Variants in SPAG6 observed in about 807,000 individuals in gnomAD.
The protein encoded by SPAG6 is sperm-associated antigen 6.
SPAG6 carries 49 observed loss-of-function variants against 58.5 expected under a neutral mutation model. That is an observed-to-expected ratio of 0.84 (90% CI 0.67 to 1.06). The LOEUF (loss-of-function observed/expected upper bound fraction) is 1.06, where lower values mean the gene tolerates loss of function less well. Ranked by LOEUF, SPAG6 falls within the 50% of genes least tolerant of loss-of-function variation. SPAG6 has a pLI of 0.00. For synonymous variants in SPAG6, 233 were observed against 225.6 expected (o/e 1.03, Z -0.29); for missense variants, 560 against 611.3 (o/e 0.92, Z 0.89).
intron 4 of SPAG6, among the ~76,000 whole-genome samples, chr10:22,383,175 A>G (rs372286680): frequency 3.4e-4 from 52 of 152,318 alleles, no homozygotes; most frequent in African/African-American, 1.2e-3. Flanking sequence ...TGAGCATCTA[A>G]GTTGGTACAT....
intron 2 of SPAG6, among the ~76,000 whole-genome samples, chr10:22,349,136 G>A (rs935096130): frequency 3.9e-5 from 6 of 151,926 alleles, no homozygotes; most frequent in African/African-American, 1.2e-4. Context: ...GGCCTGAGCC[G>A]CCACGCCTGG....
chr10:22,377,267 G>A (rs1833838142), intron 4 of SPAG6, among the ~76,000 whole-genome samples: 1 of 152,142 alleles, frequency 6.6e-6, no homozygotes, highest in South Asian at 2.1e-4. Flanking sequence ...CCTCCCCAAG[G>A]TGGGCCTTCA....
chr10:22,373,151 G>T (rs1031904725), intron 4 of SPAG6, among the ~76,000 whole-genome samples: 4 of 152,086 alleles, frequency 2.6e-5, no homozygotes, highest in African/African-American at 7.2e-5. Context: ...GTCCAGCTCT[G>T]TGGCAGTTGG....
intron 3 of SPAG6, among the ~76,000 whole-genome samples, chr10:22,367,001 T>G (rs1837218701): frequency 1.3e-5 from 2 of 151,004 alleles, no homozygotes; most frequent in Non-Finnish European, 3.0e-5. Flanking sequence ...GTCCTGTGGT[T>G]TTGCTGGGTT....
chr10:22,413,442 AG>A (rs1834792608), intron 10 of SPAG6, among the ~76,000 whole-genome samples: 1 of 152,028 alleles, frequency 6.6e-6, no homozygotes, highest in African/African-American at 2.4e-5. Context: ...CTGAGGCAGG[AG>A]AATGGCGTGA....
intron 8 of SPAG6, among the ~76,000 whole-genome samples, chr10:22,394,061 G>C (rs949288248): frequency 1.2e-4 from 19 of 152,104 alleles, no homozygotes; most frequent in African/African-American, 3.6e-4. Context: ...TATCTATTGA[G>C]ACCCTTTGCT....
intron 8 of SPAG6, among the ~76,000 whole-genome samples, chr10:22,393,266 C>G (rs1392038153): frequency 6.6e-6 from 1 of 152,102 alleles, no homozygotes; most frequent in Non-Finnish European, 1.5e-5. Flanking sequence ...CTCTTCCACC[C>G]TCTCCTGCCA....
At chr10:22,389,021 A>G (rs993935753) in intron 6 of SPAG6, 139 bp from the exon 7 acceptor site, 4 of 645,824 alleles carry the variant, frequency 6.2e-6, no homozygotes, top group Middle Eastern at 9.2e-4. Context: ...TATTTCTTTA[A>G]TAAATATAAT....
At chr10:22,393,966 T>A (rs921432650) in intron 8 of SPAG6, among the ~76,000 whole-genome samples, 3 of 152,196 alleles carry the variant, frequency 2.0e-5, no homozygotes, top group African/African-American at 7.2e-5. Flanking sequence ...CATGTCAGCT[T>A]CTGTAAGCAT....
chr10:22,402,311 A>G (rs1360071655), intron 9 of SPAG6, among the ~76,000 whole-genome samples: 5 of 152,208 alleles, frequency 3.3e-5, no homozygotes. Context: ...GGTGTGGCAA[A>G]TTCATTTGAA....
intron 10 of SPAG6, among the ~76,000 whole-genome samples, chr10:22,414,457 A>G (rs1166977096): frequency 6.6e-6 from 1 of 152,180 alleles, no homozygotes; most frequent in Non-Finnish European, 1.5e-5. Context: ...ACTACTTACT[A>G]TAACTAACTA....
In SPAG6 at chr10:22,386,877, C is replaced by T. The variant is rs1207919098; in HGVS notation, c.596C>T (p.Pro199Leu). ...CTCAGTGATATTGCAAAGCATTCTC[C>T]AGAGTTAGCACAGACAGTAGTGGAT... Reference protein sequence around the residue: ...SALSDIAKHSPELAQTVVDAG... With the variant: ...SALSDIAKHSLELAQTVVDAG... Residue 199 changes from proline (P) to leucine (L), a missense_variant, in exon 5 of 11, where the codon CCA becomes CTA. By Grantham distance (98) the Pro-to-Leu change is moderately conservative. Transcript: ENST00000376624. 5 of 1,613,716 alleles carry T rather than the reference C, an allele frequency of 3.1e-6. No homozygotes were observed. Among genetic ancestry groups the T allele is most frequent in the African/African-American group, 1.3e-5 (1 of 74,882 alleles).
chr10:22,407,855 C>G (rs1168127998), intron 9 of SPAG6, among the ~76,000 whole-genome samples: 1 of 151,788 alleles, frequency 6.6e-6, no homozygotes, highest in Non-Finnish European at 1.5e-5. Context: ...TCTTTTTTCT[C>G]TAACCTTCCT....
At chr10:22,373,544 C>T (rs1324779228) in intron 4 of SPAG6, among the ~76,000 whole-genome samples, 1 of 152,058 alleles carries the variant, frequency 6.6e-6, no homozygotes, top group Non-Finnish European at 1.5e-5. Flanking sequence ...ATATTAATGA[C>T]AAATATCAGA....
At chr10:22,389,464 G>A in intron 7 of SPAG6, 152 bp downstream of exon 7, 1 of 683,132 alleles carries the variant, frequency 1.5e-6, no homozygotes, top group East Asian at 2.8e-5. Context: ...TTATTAGCAA[G>A]TTTTATTAGC....
chr10:22,381,390 G>A (rs78491369), intron 4 of SPAG6, among the ~76,000 whole-genome samples: 1 of 148,972 alleles, frequency 6.7e-6, no homozygotes, highest in Admixed American at 6.7e-5. Flanking sequence ...AAAAAAAAAA[G>A]TCCTGACAAC....
intron 8 of SPAG6, among the ~76,000 whole-genome samples, chr10:22,393,357 CAA>C (rs1461535309): frequency 6.6e-6 from 1 of 152,026 alleles, no homozygotes; most frequent in Non-Finnish European, 1.5e-5. Flanking sequence ...ATAGTGGACT[CAA>C]TAGTAATTTC....
At chr10:22,368,189 G>T (rs547173209) in intron 3 of SPAG6, among the ~76,000 whole-genome samples, 1 of 152,244 alleles carries the variant, frequency 6.6e-6, no homozygotes, top group East Asian at 1.9e-4. Context: ...ATAAAATCTC[G>T]TTATTTTATG....
intron 8 of SPAG6, among the ~76,000 whole-genome samples, chr10:22,399,331 G>C (rs1178035699): frequency 6.6e-5 from 10 of 152,098 alleles, no homozygotes; most frequent in Admixed American, 3.3e-4. Context: ...ATACCCACCA[G>C]CTCCAGACAA....
Sources: allele counts gnomAD v4.1 joint callset (sites outside exome capture counted in the v4.1 genomes callset), GRCh38; gene constraint gnomAD v4.1.1; transcripts MANE v1.5; gene names NCBI Gene and HGNC (gene_info 2026-07-23, HGNC 2026-07-21).